The following SHANK2 variants were observed in gnomAD, a reference collection of about 807,000 sequenced individuals.
The protein encoded by SHANK2 is SH3 and multiple ankyrin repeat domains protein 2.
Under a neutral mutation model 133.7 loss-of-function variants are expected in SHANK2, and 43 were observed. The observed-to-expected ratio is 0.32, with a 90% confidence interval of 0.25 to 0.41. The LOEUF is 0.41. Among genes scored for constraint, SHANK2 ranks in the 10% least tolerant of loss-of-function variants. SHANK2 has a pLI of 1.00. For missense variants in SHANK2, 1,994 were observed against 2,235.8 expected (o/e 0.89, Z 2.18); for synonymous variants, 1,017 against 952.8 (o/e 1.07, Z -1.24).
At chr11:70,573,550 G>GA (rs1491134149) in intron 17 of SHANK2, among the ~76,000 whole-genome samples, 1 of 65,470 alleles carries the variant, frequency 1.5e-5, no homozygotes, top group African/African-American at 7.5e-5. Flanking sequence ...GTGTGGGGGC[G>GA]GGGGGGGGGT....
At chr11:70,686,023 C>G (rs1186872216) in intron 15 of SHANK2, among the ~76,000 whole-genome samples, 1 of 148,780 alleles carries the variant, frequency 6.7e-6, no homozygotes, top group African/African-American at 2.5e-5. Context: ...ACCTATCCAG[C>G]CATGCCCCCA....
intron 11 of SHANK2, among the ~76,000 whole-genome samples, chr11:70,821,675 A>G (rs1291975328): frequency 3.9e-5 from 6 of 152,134 alleles, no homozygotes; most frequent in African/African-American, 1.2e-4. Flanking sequence ...CGCCTGCCTC[A>G]GCCACCCAAA....
rs1174089617 is a variant in SHANK2 at position 71,110,003 on chromosome 11, T to C, written c.530A>G (p.Glu177Gly). ...CMDHIQHRLV[E>G]KITKMLDRGL... ...TCGGTCCAGCATCTTGGTGATCTTCTCCACCAAGCGATGCTGAATGTGATC... is the reference window on the plus strand; with the variant it reads ...TCGGTCCAGCATCTTGGTGATCTTCCCCACCAAGCGATGCTGAATGTGATC... Residue 177 changes from glutamate to glycine, a missense_variant, in exon 6 of 26, where the codon GAG (glutamate) becomes GGG (glycine). Physicochemically the swap from Glu to Gly is moderately conservative, Grantham distance 98. This residue lies in a region of SHANK2 where 653 missense variants were observed against 563.4 expected (regional missense o/e 1.16). Transcript: ENST00000601538. 6.4e-7 allele frequency: 1 copy of C among 1,551,640 alleles called. No homozygotes were observed. The highest frequency in any genetic ancestry group is 8.7e-7 in the Non-Finnish European group (1 of 1,146,968).
At chr11:70,914,668 T>TAAAATAAAATA (rs1555079597) in intron 10 of SHANK2, among the ~76,000 whole-genome samples, 2 of 107,294 alleles carry the variant, frequency 1.9e-5, no homozygotes, top group Non-Finnish European at 3.6e-5. Flanking sequence ...ACAAAAAAAA[T>TAAAATAAAATA]AAATAAAATA....
At chr11:71,097,974 G>GTGCA (rs1951649475) in intron 6 of SHANK2, among the ~76,000 whole-genome samples, 1 of 149,828 alleles carries the variant, frequency 6.7e-6, no homozygotes, top group Non-Finnish European at 1.5e-5. Flanking sequence ...GTGTGTGCAT[G>GTGCA]TGCCTGTGTG....
At chr11:71,251,383 C>T (rs564869011) in intron 1 of SHANK2, among the ~76,000 whole-genome samples, 1 of 152,144 alleles carries the variant, frequency 6.6e-6, no homozygotes, top group Admixed American at 6.5e-5. Context: ...CCCCCGAACC[C>T]GGGCGGCGAG....
At chr11:70,918,286 C>T (rs1432846556) in intron 10 of SHANK2, among the ~76,000 whole-genome samples, 9 of 152,142 alleles carry the variant, frequency 5.9e-5, no homozygotes, top group Admixed American at 6.5e-5. Flanking sequence ...CCTGCATCAG[C>T]TACAAGGTCA....
At chr11:70,697,749 C>T (rs1296743360) in intron 15 of SHANK2, among the ~76,000 whole-genome samples, 4 of 152,132 alleles carry the variant, frequency 2.6e-5, no homozygotes, top group East Asian at 3.9e-4. Flanking sequence ...TCCTGGAGGT[C>T]GGGGAAGAAC....
intron 17 of SHANK2, among the ~76,000 whole-genome samples, chr11:70,655,941 G>A (rs576171899): frequency 4.6e-5 from 7 of 152,268 alleles, no homozygotes; most frequent in Non-Finnish European, 8.8e-5. Flanking sequence ...CTGGAGACGA[G>A]GTTTCTATAA....
At chr11:71,112,318 G>A (rs552295261) in intron 5 of SHANK2, among the ~76,000 whole-genome samples, 3 of 152,312 alleles carry the variant, frequency 2.0e-5, no homozygotes, top group Admixed American at 6.5e-5. Flanking sequence ...GCTTGAACCC[G>A]AGAGGCGGAG....
chr11:71,211,014 A>G (rs1954266217), intron 2 of SHANK2, among the ~76,000 whole-genome samples: 2 of 151,530 alleles, frequency 1.3e-5, no homozygotes, highest in African/African-American at 4.9e-5. Context: ...CTGCCATTTG[A>G]CCCCTCAGGG....
intron 14 of SHANK2, among the ~76,000 whole-genome samples, chr11:70,719,804 C>A (rs782713234): frequency 6.6e-6 from 1 of 151,060 alleles, no homozygotes; most frequent in Non-Finnish European, 1.5e-5. Context: ...TGTCCCACTG[C>A]GCTGGAATCT....
chr11:70,537,213 G>A (rs782267359), intron 17 of SHANK2, among the ~76,000 whole-genome samples: 10 of 152,268 alleles, frequency 6.6e-5, no homozygotes, highest in South Asian at 6.2e-4. Flanking sequence ...CCTGAGAAGC[G>A]GAGGAGGGAA....
At chr11:71,236,023 G>A (rs1555123689) in intron 1 of SHANK2, among the ~76,000 whole-genome samples, 1 of 152,196 alleles carries the variant, frequency 6.6e-6, no homozygotes, top group Non-Finnish European at 1.5e-5. Flanking sequence ...CCAGGAGGAA[G>A]CCAGGCTGGC....
At chr11:70,946,107 CCCTTCCCA>C (rs1950725175) in intron 10 of SHANK2, among the ~76,000 whole-genome samples, 1 of 149,912 alleles carries the variant, frequency 6.7e-6, no homozygotes, top group Admixed American at 6.6e-5. Flanking sequence ...CACTAACCAA[CCCTTCCCA>C]GACACAACCT....
At chr11:71,126,183 A>G (rs1369712197) in intron 3 of SHANK2, among the ~76,000 whole-genome samples, 10 of 122,484 alleles carry the variant, frequency 8.2e-5, no homozygotes, top group South Asian at 2.8e-4. Flanking sequence ...ATGCCACTGC[A>G]CTCCAGCCTG....
chr11:70,756,968 T>TG (rs1555039050), intron 14 of SHANK2, among the ~76,000 whole-genome samples: 1 of 152,186 alleles, frequency 6.6e-6, no homozygotes, highest in Admixed American at 6.5e-5. Context: ...CCCAGGTCCT[T>TG]GCGCCCCCGT....
At chr11:70,614,682 T>A (rs1357165061) in intron 17 of SHANK2, among the ~76,000 whole-genome samples, 1 of 152,204 alleles carries the variant, frequency 6.6e-6, no homozygotes, top group East Asian at 1.9e-4. Flanking sequence ...CTTCATCCCA[T>A]CCTCCAGTCT....
intron 11 of SHANK2, among the ~76,000 whole-genome samples, chr11:70,860,337 C>G (rs1451633224): frequency 6.6e-6 from 1 of 152,214 alleles, no homozygotes; most frequent in African/African-American, 2.4e-5. Context: ...CCATGTTATC[C>G]TCGTGCACAC....
Sources: gnomAD v4.1 joint callset for allele counts (sites outside exome capture counted in the v4.1 genomes callset) on GRCh38, gnomAD v4.1.1 for gene constraint, gnomAD v4.1.1 regional missense constraint, MANE v1.5 for transcripts, NCBI Gene and HGNC (gene_info 2026-07-23, HGNC 2026-07-21) for gene names.